The following KCNH1 variants were observed in gnomAD, a reference collection of about 807,000 sequenced individuals.
KCNH1 encodes the protein potassium voltage-gated channel subfamily H member 1, also known as voltage-gated delayed rectifier potassium channel KCNH1.
Under a neutral mutation model 69.2 loss-of-function variants are expected in KCNH1, and 27 were observed. That is an observed-to-expected ratio of 0.39 (90% CI 0.29 to 0.54). The LOEUF is 0.54. Among genes scored for constraint, KCNH1 ranks in the 20% least tolerant of loss-of-function variants. The pLI, the probability that KCNH1 is intolerant of heterozygous loss-of-function variation, is 0.68. For missense variants in KCNH1, 798 were observed against 1,261.6 expected (o/e 0.63, Z 5.57); for synonymous variants, 456 against 487.7 (o/e 0.93, Z 0.86).
At chr1:210,988,401 G>T (rs751551082) in intron 6 of KCNH1, among the ~76,000 whole-genome samples, 1 of 152,154 alleles carries the variant, frequency 6.6e-6, no homozygotes, top group Non-Finnish European at 1.5e-5. Context: ...GACTGGAGCT[G>T]TTCCTATTCA....
intron 7 of KCNH1, among the ~76,000 whole-genome samples, chr1:210,850,171 A>C (rs1685652068): frequency 6.6e-6 from 1 of 152,156 alleles, no homozygotes; most frequent in African/African-American, 2.4e-5. Flanking sequence ...ACTGATTAGC[A>C]GGAAGAGATG....
intron 6 of KCNH1, among the ~76,000 whole-genome samples, chr1:210,994,524 C>A (rs1445121418): frequency 6.6e-6 from 1 of 152,192 alleles, no homozygotes; most frequent in African/African-American, 2.4e-5. Flanking sequence ...AGATGGTAGT[C>A]TGTGCAGGGT....
intron 7 of KCNH1, among the ~76,000 whole-genome samples, chr1:210,815,535 T>A (rs1423558876): frequency 3.3e-5 from 5 of 152,150 alleles, no homozygotes; most frequent in Admixed American, 3.3e-4. Context: ...TTTTTTCTCT[T>A]TCCCCACTTC....
rs997477881 is a variant in KCNH1, at chr1:211,133,686, A to G, written c.79+181T>C. On this transcript the variant is annotated intron_variant, in intron 1 of 10. Transcript: ENST00000271751. This position sits in a 1 kb window ranked among gnomAD's most constrained non-coding sequence, Gnocchi z 5.4. ...TCCTGTTAGGATGGGGACCCATCAG[A>G]CCCCGCCCCGCCCTGCCCACCTTTC... 4.6e-5 allele frequency among the ~76,000 whole-genome samples: 7 copies of G among 151,462 alleles called. No homozygotes were observed. The highest frequency in any genetic ancestry group is 3.3e-4 in the Admixed American group (5 of 15,202).
intron 5 of KCNH1, among the ~76,000 whole-genome samples, chr1:211,082,516 A>C (rs1202724919): frequency 6.6e-6 from 1 of 152,166 alleles, no homozygotes; most frequent in Admixed American, 6.5e-5. Context: ...CTAGCTCCTC[A>C]TAAAAGTGAT....
chr1:210,815,650 A>G (rs1254107508), intron 7 of KCNH1, among the ~76,000 whole-genome samples: 2 of 152,202 alleles, frequency 1.3e-5, no homozygotes, highest in South Asian at 4.1e-4. Flanking sequence ...AAGAGTTAAC[A>G]GTCAATTTAG....
At chr1:210,841,535 T>G (rs1685411369) in intron 7 of KCNH1, among the ~76,000 whole-genome samples, 1 of 152,192 alleles carries the variant, frequency 6.6e-6, no homozygotes, top group East Asian at 1.9e-4. Flanking sequence ...TAGATATTCT[T>G]AAAACTACTT....
At chr1:210,858,826 C>T (rs767822968) in intron 7 of KCNH1, 1 of 205,730 alleles carries the variant, frequency 4.9e-6, no homozygotes, top group Non-Finnish European at 9.9e-6. Flanking sequence ...CTATTTTTTC[C>T]TCAGAAAAAG....
chr1:210,728,837 G>A (rs553718324), intron 10 of KCNH1, among the ~76,000 whole-genome samples: 1 of 152,222 alleles, frequency 6.6e-6, no homozygotes, highest in Non-Finnish European at 1.5e-5. Flanking sequence ...CAAATGTCTT[G>A]CTGGGAACCA....
intron 7 of KCNH1, among the ~76,000 whole-genome samples, chr1:210,889,222 C>T (rs1187460502): frequency 3.3e-5 from 5 of 152,184 alleles, no homozygotes; most frequent in Admixed American, 3.3e-4. Flanking sequence ...AAGTCAGCTT[C>T]ATCCCTGGGA....
chr1:210,750,707 A>T (rs898690819), intron 10 of KCNH1, among the ~76,000 whole-genome samples: 3 of 152,094 alleles, frequency 2.0e-5, no homozygotes, highest in Non-Finnish European at 2.9e-5. Context: ...TCAAGCAGGG[A>T]CAGGTGGCAG....
At position 210,854,749 on chromosome 1, in the gene KCNH1, C is replaced by G. The variant is rs114262554; in HGVS notation, c.1463-50583G>C. 2.1e-3 allele frequency among the ~76,000 whole-genome samples: 320 copies of G among 152,260 alleles called. 3 individuals carry two copies. Among genetic ancestry groups the G allele is most frequent in the African/African-American group, 7.6e-3 (315 of 41,554 alleles). On this transcript the variant is annotated intron_variant, in intron 7 of 10. Transcript: ENST00000271751. ...TTGATTTTTAGGATATGGTCTTGAC[C>G]ATATTCTCCTCCTATAGGCTGAGAA... is the stretch of plus-strand genomic sequence containing the variant.
chr1:210,970,860 A>G (rs1482954819), intron 6 of KCNH1, among the ~76,000 whole-genome samples: 2 of 152,052 alleles, frequency 1.3e-5, no homozygotes, highest in Non-Finnish European at 2.9e-5. Context: ...AACCTACAGA[A>G]TGGGAGAAAA....
intron 3 of KCNH1, among the ~76,000 whole-genome samples, chr1:211,092,841 T>C (rs923853087): frequency 1.3e-5 from 2 of 150,964 alleles, no homozygotes; most frequent in Admixed American, 1.3e-4. Context: ...TTTTTTTTGC[T>C]CTAAAAAAAT....
chr1:210,940,137 A>G (rs928361682), intron 6 of KCNH1, among the ~76,000 whole-genome samples: 1 of 152,248 alleles, frequency 6.6e-6, no homozygotes, highest in Non-Finnish European at 1.5e-5. Flanking sequence ...AAGCTGAAAT[A>G]CAATTTTCTT....
intron 7 of KCNH1, chr1:210,862,427 C>T (rs761721405): frequency 1.3e-5 from 7 of 541,136 alleles, no homozygotes; most frequent in Non-Finnish European, 2.4e-5. Context: ...CCTTGAACTC[C>T]TGGGCTCAAG....
chr1:210,713,270 A>G (rs1682123278), intron 10 of KCNH1, among the ~76,000 whole-genome samples: 1 of 152,180 alleles, frequency 6.6e-6, no homozygotes, highest in Non-Finnish European at 1.5e-5. Flanking sequence ...GATGCCACCA[A>G]TTTAGCTCTG....
chr1:211,061,526 A>C (rs1456218927), intron 5 of KCNH1, among the ~76,000 whole-genome samples: 1 of 152,166 alleles, frequency 6.6e-6, no homozygotes, highest in Non-Finnish European at 1.5e-5. Flanking sequence ...GAAAAGGAAG[A>C]AGTCATTGTT....
chr1:210,712,660 G>A (rs1682105874), intron 10 of KCNH1, among the ~76,000 whole-genome samples: 1 of 152,212 alleles, frequency 6.6e-6, no homozygotes, highest in Non-Finnish European at 1.5e-5. Flanking sequence ...GGCAGAACTT[G>A]CTGCTGGTGT....
Sources: allele counts gnomAD v4.1 joint callset (sites outside exome capture counted in the v4.1 genomes callset), GRCh38; gene constraint gnomAD v4.1.1; non-coding constraint Gnocchi (gnomAD v3.1); transcripts MANE v1.5; gene names NCBI Gene and HGNC (gene_info 2026-07-23, HGNC 2026-07-21).